Variants in GOLM2 observed in about 807,000 individuals in gnomAD.
GOLM2 encodes the protein protein GOLM2.
A neutral mutation model predicts 55.9 loss-of-function variants in GOLM2; 26 were observed. The ratio of observed to expected loss-of-function variants is 0.47; its 90% CI spans 0.34 to 0.65. GOLM2 has a LOEUF of 0.65. Among genes scored for constraint, GOLM2 ranks in the 30% least tolerant of loss-of-function variants. The probability of loss-of-function intolerance (pLI) is 0.01; values close to 1 mark genes in which losing one functional copy is unlikely to be tolerated. For synonymous variants in GOLM2, 165 were observed against 194.6 expected (o/e 0.85, Z 1.27); for missense variants, 486 against 531.8 (o/e 0.91, Z 0.85).
At chr15:44,331,370 A>G (rs1320060165) in intron 3 of GOLM2, among the ~76,000 whole-genome samples, 1 of 152,178 alleles carries the variant, frequency 6.6e-6, no homozygotes, top group Non-Finnish European at 1.5e-5. Flanking sequence ...ACATTTTTCT[A>G]TATGTGTGTT....
chr15:44,338,219 T>C lies in GOLM2; in HGVS notation c.722-18T>C, dbSNP rs1404578532. The C allele has an allele frequency of 3.1e-6, 5 of 1,602,576 alleles. No homozygotes were observed. In the Admixed American group the frequency reaches 8.7e-5, roughly 28 times the overall value. ...GTAAGAAAAACGATAGAATTCTATC[T>C]TTTTGTTACTTGGGCAGAACAAATC... On this transcript the variant is annotated intron_variant, in intron 5 of 9. Coordinates refer to ENST00000299957, the MANE Select transcript of GOLM2 (RefSeq NM_138423.4).
chr15:44,382,848 G>A (rs1375710832), intron 8 of GOLM2, among the ~76,000 whole-genome samples: 2 of 150,798 alleles, frequency 1.3e-5, no homozygotes, highest in East Asian at 1.9e-4. Flanking sequence ...ACTTGAACCC[G>A]GGAGGCGAAG....
chr15:44,314,020 A>G (rs538071899), intron 1 of GOLM2, among the ~76,000 whole-genome samples: 9 of 152,078 alleles, frequency 5.9e-5, no homozygotes, highest in African/African-American at 1.7e-4. Context: ...GGCAGATCAC[A>G]AGGTCAGGAG....
chr15:44,368,155 T>C (rs1332101628), intron 6 of GOLM2, among the ~76,000 whole-genome samples: 1 of 151,996 alleles, frequency 6.6e-6, no homozygotes, highest in Non-Finnish European at 1.5e-5. Context: ...TTTATTTATT[T>C]AAGATGGAGT....
At chr15:44,348,043 T>C (rs868319078) in intron 6 of GOLM2, among the ~76,000 whole-genome samples, 1 of 152,052 alleles carries the variant, frequency 6.6e-6, no homozygotes, top group South Asian at 2.1e-4. Context: ...GGGCCCTGAA[T>C]AATCAGCACT....
chr15:44,395,366 A>G (rs2079518502), intron 8 of GOLM2, among the ~76,000 whole-genome samples: 1 of 152,000 alleles, frequency 6.6e-6, no homozygotes, highest in Non-Finnish European at 1.5e-5. Context: ...AACGAACATC[A>G]GACTAATGCA....
chr15:44,333,765 G>A (rs969897154), intron 4 of GOLM2, among the ~76,000 whole-genome samples: 2 of 151,790 alleles, frequency 1.3e-5, no homozygotes, highest in Non-Finnish European at 2.9e-5. Flanking sequence ...CACCCAGGCT[G>A]GAGTGCAGTG....
chr15:44,394,553 C>T (rs1014497404), intron 8 of GOLM2, among the ~76,000 whole-genome samples: 2 of 152,164 alleles, frequency 1.3e-5, no homozygotes, highest in African/African-American at 4.8e-5. Context: ...ATATGCAGGG[C>T]CTATATCCCT....
At chr15:44,356,218 A>G (rs1001439824) in intron 6 of GOLM2, among the ~76,000 whole-genome samples, 5 of 152,098 alleles carry the variant, frequency 3.3e-5, no homozygotes, top group African/African-American at 1.2e-4. Flanking sequence ...AAAATAAAAG[A>G]CATAATAAAA....
intron 1 of GOLM2, among the ~76,000 whole-genome samples, chr15:44,295,949 G>C (rs202204617): frequency 0.056 from 7,644 of 137,388 alleles, 309 homozygotes; most frequent in East Asian, 0.19. Context: ...CACACACACA[G>C]ACACCCTTTT....
chr15:44,331,935 T>G lies in GOLM2; in HGVS notation c.486-53T>G, dbSNP rs560133852. ...TGTATGTGTCAACTTCTGGACAACTTTGAGAATCCAATCCAAGATAATATA... is the reference window on the plus strand; with the variant it reads ...TGTATGTGTCAACTTCTGGACAACTGTGAGAATCCAATCCAAGATAATATA... On this transcript the variant is annotated intron_variant, in intron 3 of 9. Transcript: ENST00000299957. The G allele has an allele frequency of 4.6e-5, 59 of 1,294,846 alleles. No individual in the cohort carries two copies. The African/African-American group carries it at 8.0e-4, about 18-fold the overall frequency. 80.2% of individuals were successfully genotyped at this position (1,294,846 alleles called of 1,614,324 possible).
In GOLM2 at chr15:44,322,972, T is replaced by C; in HGVS notation, c.335T>C (p.Leu112Pro). The C allele has an allele frequency of 6.4e-7, 1 of 1,574,162 alleles. No individual in the cohort carries two copies. The highest frequency in any genetic ancestry group is 1.2e-5 in the South Asian group (1 of 82,084). The part of the protein sequence containing the change: ...GKRCEDDKVK[L>P]QNNISYQMAD... ...AACTTAATTTTTTTTCAGGTTAAAC[T>C]ACAGAACAACATATCGTATCAGATG... Residue 112 changes from leucine to proline, a missense_variant, in exon 2 of 10, where the codon CTA (leucine) becomes CCA (proline). Leu to Pro is a moderately conservative substitution (Grantham distance 98, BLOSUM62 -3). Coordinates refer to ENST00000299957, the MANE Select transcript of GOLM2 (RefSeq NM_138423.4).
Position 44,329,505 on chromosome 15 carries a change from G to GTA in GOLM2, c.485+719_485+720dup, listed in dbSNP as rs549233492. Among the ~76,000 whole-genome samples, 475 of 152,240 alleles carry GTA rather than the reference G, an allele frequency of 3.1e-3. 2 individuals carry two copies. The highest frequency in any genetic ancestry group is 4.2e-3 in the Non-Finnish European group (287 of 68,018). On this transcript the variant is annotated intron_variant, in intron 3 of 9. Coordinates refer to ENST00000299957, the MANE Select transcript of GOLM2 (RefSeq NM_138423.4). ...CTATAGGATTAAAGATTTAACGTAT[G>GTA]TACAGGTAATATATTATTCTAGCAT...
chr15:44,399,459 T>A (rs2079550867), intron 8 of GOLM2, among the ~76,000 whole-genome samples: 1 of 152,210 alleles, frequency 6.6e-6, no homozygotes. Flanking sequence ...TCATTCTTGT[T>A]GATATTTTTA....
At chr15:44,333,962 G>A (rs1351950395) in intron 4 of GOLM2, among the ~76,000 whole-genome samples, 3 of 152,048 alleles carry the variant, frequency 2.0e-5, no homozygotes, top group African/African-American at 4.8e-5. Flanking sequence ...TGATCTGCCC[G>A]CCTCAGCCTC....
intron 2 of GOLM2, among the ~76,000 whole-genome samples, chr15:44,327,275 C>T (rs2078990029): frequency 6.6e-6 from 1 of 151,336 alleles, no homozygotes. Context: ...TTAAAAACAG[C>T]CAGGCATGGT....
rs373879621 is a variant in GOLM2, at chr15:44,336,872, C to T, written c.577-891C>T. On this transcript the variant is annotated intron_variant, in intron 4 of 9. Coordinates refer to ENST00000299957, the MANE Select transcript of GOLM2 (RefSeq NM_138423.4). ...CGGAGCTTGGAGTGAGCCGAGATCG[C>T]GCCACTGCACTCCAGCCTGGGCGAC... 9.2e-5 allele frequency among the ~76,000 whole-genome samples: 14 copies of T among 152,068 alleles called. No homozygotes were observed. The East Asian group carries it at 2.1e-3, about 23-fold the overall frequency.
intron 1 of GOLM2, among the ~76,000 whole-genome samples, chr15:44,317,740 C>CA (rs1322071214): frequency 6.6e-6 from 1 of 152,124 alleles, no homozygotes; most frequent in African/African-American, 2.4e-5. Flanking sequence ...ACAGATGCCT[C>CA]AAAATCAATA....
At chr15:44,291,747 T>G (rs2141102109) in intron 1 of GOLM2, among the ~76,000 whole-genome samples, 1 of 152,350 alleles carries the variant, frequency 6.6e-6, no homozygotes. Flanking sequence ...AGTAAGGGAC[T>G]CTGTTATTGA....
Sources: allele counts gnomAD v4.1 joint callset (sites outside exome capture counted in the v4.1 genomes callset), GRCh38; gene constraint gnomAD v4.1.1; transcripts MANE v1.5; gene names NCBI Gene and HGNC (gene_info 2026-07-23, HGNC 2026-07-21).